NPAS3: variants seen among roughly 807,000 people sequenced by gnomAD.
NPAS3 encodes neuronal PAS domain protein 3.
Under a neutral mutation model 73.1 loss-of-function variants are expected in NPAS3, and 14 were observed. That is an observed-to-expected ratio of 0.19 (90% CI 0.13 to 0.30). The LOEUF (loss-of-function observed/expected upper bound fraction) is 0.30. Ranked by LOEUF, NPAS3 falls within the 10% of genes least tolerant of loss-of-function variation. NPAS3 has a pLI of 1.00. For missense variants in NPAS3, 1,096 were observed against 1,250.0 expected (o/e 0.88, Z 1.86); for synonymous variants, 620 against 541.5 (o/e 1.14, Z -2.01).
At position 33,061,294 on chromosome 14, in the gene NPAS3, A is replaced by G. The variant is rs78246909; in HGVS notation, c.140+5300A>G. 7.5e-3 allele frequency among the ~76,000 whole-genome samples: 1,142 copies of G among 152,276 alleles called. 13 individuals are homozygous for G. The highest frequency in any genetic ancestry group is 0.025 in the African/African-American group (1,025 of 41,552). On this transcript the variant is annotated intron_variant, in intron 2 of 11. Transcript: ENST00000356141. ...GCTATTATACAGTCATCTTCCCCTC[A>G]CCTGCACAATAGAACAACTTATGCC...
intron 3 of NPAS3, among the ~76,000 whole-genome samples, chr14:33,364,568 G>C (rs1479138492): frequency 2.0e-5 from 3 of 152,110 alleles, no homozygotes; most frequent in Non-Finnish European, 4.4e-5. Flanking sequence ...GAATAGAATA[G>C]CATGAAACTA....
chr14:33,558,817 C>T (rs534855155), intron 4 of NPAS3, among the ~76,000 whole-genome samples: 21 of 149,782 alleles, frequency 1.4e-4, no homozygotes, highest in South Asian at 2.1e-4. Flanking sequence ...TTGCTCCTAG[C>T]GCGGGTTTCC....
intron 5 of NPAS3, among the ~76,000 whole-genome samples, chr14:33,622,295 C>G (rs1045975124): frequency 6.6e-6 from 1 of 151,048 alleles, no homozygotes; most frequent in African/African-American, 2.4e-5. Context: ...GTATAGCTAA[C>G]AGGAAAAATA....
intron 3 of NPAS3, among the ~76,000 whole-genome samples, chr14:33,249,335 T>A (rs2139878839): frequency 8.6e-6 from 1 of 116,028 alleles, no homozygotes; most frequent in East Asian, 2.5e-4. Flanking sequence ...CCATTTTAAT[T>A]CCCGTCCCCC....
rs2057982327 is a variant in NPAS3 at position 33,618,355 on chromosome 14, G to A, written c.559-57856G>A. ...AATGTAGAATCAGTGGGAGCCCTCA[G>A]CTTGTTTTCTTGTAACTAGATGGTC... is the stretch of plus-strand genomic sequence containing the variant. On this transcript the variant is annotated intron_variant, in intron 5 of 11. Coordinates refer to ENST00000356141, the Ensembl canonical transcript of NPAS3. Among the ~76,000 whole-genome samples the A allele has an allele frequency of 3.3e-5, 5 of 152,188 alleles. No individual in the cohort carries two copies. In the South Asian group the frequency reaches 1.0e-3, roughly 32 times the overall value.
intron 1 of NPAS3, among the ~76,000 whole-genome samples, chr14:33,017,814 G>C (rs2039449474): frequency 6.6e-6 from 1 of 152,136 alleles, no homozygotes; most frequent in Non-Finnish European, 1.5e-5. Flanking sequence ...CTAAGCCTTA[G>C]AGAGATTAAA....
chr14:33,364,368 A>C (rs17100816), intron 3 of NPAS3, among the ~76,000 whole-genome samples: 4,295 of 152,296 alleles, frequency 0.028, 211 homozygotes, highest in African/African-American at 0.099. Flanking sequence ...TAAGAAGTAC[A>C]TTTTTAACAT....
intron 7 of NPAS3, among the ~76,000 whole-genome samples, chr14:33,744,939 T>G (rs868371588): frequency 6.6e-6 from 1 of 151,974 alleles, no homozygotes; most frequent in African/African-American, 2.4e-5. Flanking sequence ...ATCTTCAATT[T>G]GTATAAAGCA....
At chr14:33,481,002 T>G (rs1259484969) in intron 4 of NPAS3, among the ~76,000 whole-genome samples, 1 of 152,034 alleles carries the variant, frequency 6.6e-6, no homozygotes, top group Non-Finnish European at 1.5e-5. Flanking sequence ...GCCTCATGCG[T>G]CCCCGTTTAT....
chr14:33,785,570 T>C (rs1382082946), intron 9 of NPAS3, among the ~76,000 whole-genome samples: 1 of 152,218 alleles, frequency 6.6e-6, no homozygotes, highest in African/African-American at 2.4e-5. Flanking sequence ...ATTTTTTAAA[T>C]TGTTTCCTGA....
At chr14:33,121,780 T>C (rs1296713325) in intron 2 of NPAS3, among the ~76,000 whole-genome samples, 6 of 152,120 alleles carry the variant, frequency 3.9e-5, no homozygotes, top group African/African-American at 1.4e-4. Flanking sequence ...TTACTGAAGC[T>C]TAAATGTTCA....
chr14:33,244,283 C>T lies in NPAS3; in HGVS notation c.385+28857C>T, dbSNP rs550185849. ...TTCTTCCAAGCTTATAGAGAATACCCAATAAATGTTTTAGAAATTAAAAAA... is the reference window on the plus strand; with the variant it reads ...TTCTTCCAAGCTTATAGAGAATACCTAATAAATGTTTTAGAAATTAAAAAA... On this transcript the variant is annotated intron_variant, in intron 3 of 11. Coordinates refer to ENST00000356141, the Ensembl canonical transcript of NPAS3. Among the ~76,000 whole-genome samples the T allele has an allele frequency of 1.2e-4, 18 of 152,166 alleles. No homozygotes were observed. The East Asian group carries it at 3.3e-3, about 28-fold the overall frequency.
chr14:33,479,594 C>A (rs1263777669), intron 4 of NPAS3, among the ~76,000 whole-genome samples: 1 of 152,180 alleles, frequency 6.6e-6, no homozygotes, highest in Non-Finnish European at 1.5e-5. Flanking sequence ...AGCTTGTGAT[C>A]CCTAGAGGGT....
chr14:33,030,437 T>A (rs75674828), intron 1 of NPAS3, among the ~76,000 whole-genome samples: 326 of 152,348 alleles, frequency 2.1e-3, no homozygotes, highest in African/African-American at 7.6e-3. Flanking sequence ...ATACACTGCT[T>A]TAAAAATGTT....
At chr14:33,230,935 A>G (rs1054436014) in intron 3 of NPAS3, among the ~76,000 whole-genome samples, 2 of 152,142 alleles carry the variant, frequency 1.3e-5, no homozygotes, top group African/African-American at 2.4e-5. Flanking sequence ...AAAAACACAA[A>G]CCGTGATTGT....
At chr14:33,477,420 C>T (rs767251595) in intron 4 of NPAS3, among the ~76,000 whole-genome samples, 2 of 152,090 alleles carry the variant, frequency 1.3e-5, no homozygotes, top group African/African-American at 2.4e-5. Flanking sequence ...TTGCTCTCAC[C>T]GTCCATCCCT....
intron 5 of NPAS3, among the ~76,000 whole-genome samples, chr14:33,642,544 A>G (rs886705690): frequency 1.3e-5 from 2 of 152,208 alleles, no homozygotes; most frequent in African/African-American, 4.8e-5. Flanking sequence ...GTCTGGGTAC[A>G]AGATTGAAAA....
chr14:33,312,263 T>G (rs1380034273), intron 3 of NPAS3, among the ~76,000 whole-genome samples: 1 of 152,132 alleles, frequency 6.6e-6, no homozygotes, highest in Non-Finnish European at 1.5e-5. Flanking sequence ...ATGTAAGCAT[T>G]GGTCCTTCGA....
At chr14:33,419,069 G>A (rs1353943792) in intron 4 of NPAS3, among the ~76,000 whole-genome samples, 1 of 151,976 alleles carries the variant, frequency 6.6e-6, no homozygotes. Context: ...ATACTGTAAG[G>A]CACTACATTG....
Sources: gnomAD v4.1 joint callset for allele counts (sites outside exome capture counted in the v4.1 genomes callset) on GRCh38, gnomAD v4.1.1 for gene constraint, MANE v1.5 for transcripts, NCBI Gene and HGNC (gene_info 2026-07-23, HGNC 2026-07-21) for gene names.